The following C2orf69 variants were observed in gnomAD, a reference collection of about 807,000 sequenced individuals.
C2orf69 encodes the protein mitochondrial protein C2orf69.
Under a neutral mutation model 29.5 loss-of-function variants are expected in C2orf69, and 19 were observed. That is an observed-to-expected ratio of 0.65 (90% confidence interval 0.45 to 0.95). The LOEUF is 0.95. C2orf69 is among the 40% of genes least tolerant of loss of function. The probability of loss-of-function intolerance (pLI) is 0.00; values close to 1 mark genes in which losing one functional copy is unlikely to be tolerated. For synonymous variants in C2orf69, 194 were observed against 180.0 expected, an observed-to-expected ratio of 1.08 and a Z score of -0.62; for missense variants, 416 against 482.1, an observed-to-expected ratio of 0.86 and a Z score of 1.28.
Position 199,911,303 on chromosome 2 carries a change from G to C in C2orf69, c.-136G>C. On this transcript the variant is annotated 5_prime_UTR_variant, in exon 1 of 2. Coordinates refer to ENST00000319974, the MANE Select transcript of C2orf69 (RefSeq NM_153689.6). ...CGCGCGGACGTCGGCCTCTGACGTC[G>C]TCGCCTCAGCGCCGGCTCCCGGCCG... 1.9e-6 allele frequency: 2 copies of C among 1,077,966 alleles called. No homozygotes were observed. Among genetic ancestry groups the C allele is most frequent in the Non-Finnish European group, 2.5e-6 (2 of 811,280 alleles). The allele number at this position is 1,077,966 out of a possible 1,614,324, so 66.8% of individuals were successfully genotyped here. A position where few individuals can be genotyped will look rare whatever the true frequency, so the allele number is the denominator to read the frequency against.
At chr2:199,920,256 C>T (rs2077310655) in intron 1 of C2orf69, among the ~76,000 whole-genome samples, 1 of 152,132 alleles carries the variant, frequency 6.6e-6, no homozygotes, top group South Asian at 2.1e-4. Flanking sequence ...GTGTCTGGTG[C>T]CTCTTTTTAG....
chr2:199,913,413 T>TA (rs1403900756), intron 1 of C2orf69, among the ~76,000 whole-genome samples: 1,246 of 82,554 alleles, frequency 0.015, 82 homozygotes, highest in Non-Finnish European at 0.022. Context: ...ATATAATATA[T>TA]ATTCTATTAT....
intron 1 of C2orf69, among the ~76,000 whole-genome samples, chr2:199,916,376 A>G (rs1290802349): frequency 1.9e-5 from 2 of 107,918 alleles, no homozygotes; most frequent in South Asian, 3.5e-4. Context: ...CAGCCAAACC[A>G]TATCATTCCA....
intron 1 of C2orf69, among the ~76,000 whole-genome samples, chr2:199,913,388 AATAAC>A (rs2077280271): frequency 9.2e-6 from 1 of 108,552 alleles, no homozygotes; most frequent in Non-Finnish European, 1.7e-5. Flanking sequence ...TATTATATAT[AATAAC>A]ATATATTATA....
Position 199,911,604 on chromosome 2 carries a change from C to T in C2orf69, c.166C>T (p.Gln56Ter). 1 of 1,549,598 alleles carries T rather than the reference C, an allele frequency of 6.5e-7. No individual in the cohort carries two copies. ...SAEVRRRQCL[Q>*]LSTVPGADPQ... ...CGAGGTGCGCCGCCGTCAGTGCCTGCAGCTTTCCACCGTGCCTGGAGCCGA... is the reference window on the plus strand; with the variant it reads ...CGAGGTGCGCCGCCGTCAGTGCCTGTAGCTTTCCACCGTGCCTGGAGCCGA... Residue 56 changes from glutamine to a stop codon, truncating the protein, a stop_gained, in exon 1 of 2, where the codon CAG (glutamine) becomes TAG (stop). Transcript: ENST00000319974. LOFTEE classifies it high-confidence loss of function.
In C2orf69 at chr2:199,925,154, C is replaced by T; in HGVS notation, c.426C>T (p.Phe142=). The T allele has an allele frequency of 6.2e-7, 1 of 1,612,684 alleles. No homozygotes were observed. The highest frequency in any genetic ancestry group is 8.5e-7 in the Non-Finnish European group (1 of 1,179,054). The change falls in exon 2 of 2, where the codon TTC becomes TTT. Residue 142 remains phenylalanine, a synonymous_variant. Coordinates refer to ENST00000319974, the MANE Select transcript of C2orf69 (RefSeq NM_153689.6). This position sits in a 1 kb window ranked among gnomAD's most constrained non-coding sequence, Gnocchi z 4.9. ...ENVATILAHR[F]PNSYIWVIKC... Reference sequence around the variant, plus strand: ...TTGCTACCATTTTAGCCCACCGGTTCCCCAATAGTTATATTTGGGTGATAA... The same window carrying T: ...TTGCTACCATTTTAGCCCACCGGTTTCCCAATAGTTATATTTGGGTGATAA...
chr2:199,916,137 G>A (rs939581246), intron 1 of C2orf69, among the ~76,000 whole-genome samples: 1 of 152,180 alleles, frequency 6.6e-6, no homozygotes, highest in African/African-American at 2.4e-5. Flanking sequence ...TACAATCATG[G>A]CAGAAGGGGA....
Position 199,926,471 on chromosome 2 carries a change from T to C in C2orf69, c.*585T>C, listed in dbSNP as rs2077335630. 6.5e-6 allele frequency: 1 copy of C among 152,676 alleles called. No homozygotes were observed. Among genetic ancestry groups the C allele is most frequent in the Admixed American group, 6.5e-5 (1 of 15,382 alleles). The allele number at this position is 152,676 out of a possible 1,614,324, so 9.5% of individuals were successfully genotyped here. On this transcript the variant is annotated 3_prime_UTR_variant, in exon 2 of 2. Coordinates refer to ENST00000319974, the MANE Select transcript of C2orf69 (RefSeq NM_153689.6). Reference sequence around the variant, plus strand: ...CCAAATGTCCACAAGTGTACAATAGTGTAAAGGTGGTTTTTAAAAACATAG... The same window carrying C: ...CCAAATGTCCACAAGTGTACAATAGCGTAAAGGTGGTTTTTAAAAACATAG...
At chr2:199,923,892 A>G (rs1378181277) in intron 1 of C2orf69, among the ~76,000 whole-genome samples, 1 of 152,190 alleles carries the variant, frequency 6.6e-6, no homozygotes, top group Non-Finnish European at 1.5e-5. Flanking sequence ...TGTGAGCTCC[A>G]TGTGAACAAG....
chr2:199,918,864 T>C (rs2077303195), intron 1 of C2orf69, among the ~76,000 whole-genome samples: 1 of 152,222 alleles, frequency 6.6e-6, no homozygotes, highest in African/African-American at 2.4e-5. Flanking sequence ...TAATTTGTCA[T>C]ATAGTATGTA....
chr2:199,926,152 C>T lies in C2orf69; in HGVS notation c.*266C>T, dbSNP rs962264108. ...AATAATGCTGAGGAGATATAAGACC[C>T]TTAAAATGAAAGTTACAACATTGTT... On this transcript the variant is annotated 3_prime_UTR_variant, in exon 2 of 2. Transcript: ENST00000319974. 1 of 326,176 alleles carries T rather than the reference C, an allele frequency of 3.1e-6. No individual in the cohort carries two copies. Among genetic ancestry groups the T allele is most frequent in the African/African-American group, 2.1e-5 (1 of 48,012 alleles). The allele number at this position is 326,176 out of a possible 1,614,324, so 20.2% of individuals were successfully genotyped here. A position where few individuals can be genotyped will look rare whatever the true frequency, so the allele number is the denominator to read the frequency against.
intron 1 of C2orf69, among the ~76,000 whole-genome samples, chr2:199,919,547 T>G (rs1467541798): frequency 6.6e-6 from 1 of 152,124 alleles, no homozygotes; most frequent in African/African-American, 2.4e-5. Context: ...AAACAGAAAT[T>G]TATTTAGCTC....
rs2077333533 is a variant in C2orf69, at chr2:199,925,889, T to G, written c.*3T>G. 6.3e-7 allele frequency: 1 copy of G among 1,583,716 alleles called. No homozygotes were observed. The highest frequency in any genetic ancestry group is 8.7e-7 in the Non-Finnish European group (1 of 1,155,578). On this transcript the variant is annotated 3_prime_UTR_variant, in exon 2 of 2. Coordinates refer to ENST00000319974, the MANE Select transcript of C2orf69 (RefSeq NM_153689.6). The surrounding 1 kb of genome is among the most constrained non-coding windows in gnomAD (Gnocchi z 4.9). ...TCAGGGTTCATGAAGTATTTTGAGATTACAGGTATATTAATGAACTTGTTC... is the reference window on the plus strand; with the variant it reads ...TCAGGGTTCATGAAGTATTTTGAGAGTACAGGTATATTAATGAACTTGTTC...
At chr2:199,920,828 C>T (rs187118646) in intron 1 of C2orf69, among the ~76,000 whole-genome samples, 3,261 of 149,532 alleles carry the variant, frequency 0.022, 40 homozygotes, top group Middle Eastern at 0.045. Flanking sequence ...TGGTGGCGCG[C>T]GCCTGTAGTC....
intron 1 of C2orf69, among the ~76,000 whole-genome samples, 199 bp downstream of exon 1, chr2:199,911,970 C>A (rs2077264817): frequency 6.6e-6 from 1 of 152,194 alleles, no homozygotes; most frequent in Non-Finnish European, 1.5e-5. Flanking sequence ...GTCCATAGAA[C>A]CCCATGGGGA....
intron 1 of C2orf69, among the ~76,000 whole-genome samples, chr2:199,912,011 G>C (rs1449861929): frequency 6.6e-6 from 1 of 152,210 alleles, no homozygotes; most frequent in Non-Finnish European, 1.5e-5. Context: ...GATCTCGAAA[G>C]AGCCAGCTGT....
Position 199,927,314 on chromosome 2 carries a change from A to T in C2orf69, c.*1428A>T. The stretch of plus-strand genomic sequence containing the variant: ...TAACATGCTGCTTTAGGACTAAAAA[A>T]AAAAAAAAAAAAAAGACACTGAAGC... On this transcript the variant is annotated 3_prime_UTR_variant, in exon 2 of 2. Transcript: ENST00000319974. 1 of 150,994 alleles carries T rather than the reference A, an allele frequency of 6.6e-6. No individual in the cohort carries two copies. The highest frequency in any genetic ancestry group is 2.1e-4 in the South Asian group (1 of 4,784). The allele number at this position is 150,994 out of a possible 1,614,324, so 9.4% of individuals were successfully genotyped here. A position where few individuals can be genotyped will look rare whatever the true frequency, so the allele number is the denominator to read the frequency against.
chr2:199,911,880 AC>A, intron 1 of C2orf69, 109 bp downstream of exon 1: 1 of 1,441,920 alleles, frequency 6.9e-7, no homozygotes, highest in Non-Finnish European at 9.3e-7. Context: ...GCCTGAACAC[AC>A]CCACACATTC....
chr2:199,921,357 G>A (rs1490724917), intron 1 of C2orf69, among the ~76,000 whole-genome samples: 1 of 152,042 alleles, frequency 6.6e-6, no homozygotes, highest in Non-Finnish European at 1.5e-5. Context: ...TTAGTGAAAT[G>A]TAACTTAGGA....
Sources: allele counts gnomAD v4.1 joint callset (sites outside exome capture counted in the v4.1 genomes callset), GRCh38; gene constraint gnomAD v4.1.1; non-coding constraint Gnocchi (gnomAD v3.1); transcripts MANE v1.5; gene names NCBI Gene and HGNC (gene_info 2026-07-23, HGNC 2026-07-21).